Variants in PACSIN2 observed in about 807,000 individuals in gnomAD.
PACSIN2 encodes protein kinase C and casein kinase substrate in neurons protein 2.
PACSIN2 carries 25 observed loss-of-function variants against 63.8 expected under a neutral mutation model. That is an observed-to-expected ratio of 0.39 (90% confidence interval 0.29 to 0.55). PACSIN2 has a LOEUF of 0.55. Among genes scored for constraint, PACSIN2 ranks in the 20% least tolerant of loss-of-function variants. The pLI is 0.62. For missense variants in PACSIN2, 518 were observed against 646.9 expected, an observed-to-expected ratio of 0.80 and a Z score of 2.16; for synonymous variants, 255 against 256.2, an observed-to-expected ratio of 1.00 and a Z score of 0.05.
intron 2 of PACSIN2, among the ~76,000 whole-genome samples, chr22:42,909,269 C>G (rs1931290779): frequency 6.6e-6 from 1 of 152,180 alleles, no homozygotes. Context: ...TCCTGGAGGA[C>G]AGGGCCACAC....
At chr22:42,927,228 T>C (rs1932592656) in intron 1 of PACSIN2, among the ~76,000 whole-genome samples, 1 of 151,688 alleles carries the variant, frequency 6.6e-6, no homozygotes, top group African/African-American at 2.4e-5. Context: ...TTTCTCCCTG[T>C]TGTCTGGGTA....
chr22:42,938,882 T>C (rs530359024), intron 1 of PACSIN2, among the ~76,000 whole-genome samples: 19 of 152,324 alleles, frequency 1.2e-4, no homozygotes, highest in Non-Finnish European at 2.5e-4. Context: ...CTGTGACAAA[T>C]TTGTATTTTT....
chr22:42,991,876 T>C (rs974191918), intron 1 of PACSIN2, among the ~76,000 whole-genome samples: 7 of 149,230 alleles, frequency 4.7e-5, no homozygotes, highest in African/African-American at 1.5e-4. Context: ...TCAAAATGGA[T>C]CACAGGCCTA....
At chr22:43,009,297 C>G (rs973832880) in intron 1 of PACSIN2, among the ~76,000 whole-genome samples, 1 of 152,220 alleles carries the variant, frequency 6.6e-6, no homozygotes, top group South Asian at 2.1e-4. Context: ...CCACCTGTAC[C>G]ACTCAGAAAT....
intron 2 of PACSIN2, among the ~76,000 whole-genome samples, chr22:42,896,325 G>GA (rs1227724199): frequency 6.6e-6 from 1 of 152,072 alleles, no homozygotes; most frequent in Non-Finnish European, 1.5e-5. Context: ...GATCCATGTT[G>GA]CTATCTACGT....
chr22:42,945,991 C>G (rs1235685724), intron 1 of PACSIN2: 1 of 152,732 alleles, frequency 6.5e-6, no homozygotes, highest in Non-Finnish European at 1.5e-5. Flanking sequence ...CCTGGCCACA[C>G]TATACACGCT....
intron 1 of PACSIN2, among the ~76,000 whole-genome samples, chr22:42,941,392 CTTTT>C (rs1933152336): frequency 6.6e-6 from 1 of 152,274 alleles, no homozygotes; most frequent in Non-Finnish European, 1.5e-5. Context: ...GTTTTCATTT[CTTTT>C]GAGTAGATAC....
At position 42,914,240 on chromosome 22, in the gene PACSIN2, A is replaced by AT. The variant is rs113816756; in HGVS notation, c.-77-2084dup. Among the ~76,000 whole-genome samples, 272 of 148,700 alleles carry AT rather than the reference A, an allele frequency of 1.8e-3. 2 individuals carry two copies. Among genetic ancestry groups the AT allele is most frequent in the African/African-American group, 3.8e-3 (155 of 40,676 alleles). On this transcript the variant is annotated intron_variant, in intron 1 of 10. Transcript: ENST00000263246. The stretch of plus-strand genomic sequence containing the variant: ...GGCCCTGATGCCACCTCTCACAGTA[A>AT]TTTTTTTTTTTAGGTGGAATCTGGC...
At chr22:42,983,477 G>A (rs1250398713) in intron 1 of PACSIN2, among the ~76,000 whole-genome samples, 1 of 96,170 alleles carries the variant, frequency 1.0e-5, no homozygotes, top group Non-Finnish European at 1.8e-5. Context: ...ACAACAGAGT[G>A]AGACTCCATC....
chr22:42,895,663 A>G (rs1192092914), intron 2 of PACSIN2, among the ~76,000 whole-genome samples: 1 of 152,256 alleles, frequency 6.6e-6, no homozygotes, highest in African/African-American at 2.4e-5. Context: ...GAATACAGGA[A>G]GAGTGTTTCC....
chr22:43,010,222 G>T (rs1924374792), intron 1 of PACSIN2, among the ~76,000 whole-genome samples: 1 of 151,324 alleles, frequency 6.6e-6, no homozygotes, highest in Admixed American at 6.6e-5. Context: ...CTAAAATCAA[G>T]AAACACGCAA....
At chr22:42,881,866 T>C (rs558434019) in intron 7 of PACSIN2, among the ~76,000 whole-genome samples, 1 of 151,270 alleles carries the variant, frequency 6.6e-6, no homozygotes, top group East Asian at 2.0e-4. Context: ...GGACCTGAGG[T>C]CCTGTGTGCC....
At chr22:42,960,527 G>A (rs972212004) in intron 1 of PACSIN2, among the ~76,000 whole-genome samples, 3 of 152,136 alleles carry the variant, frequency 2.0e-5, no homozygotes, top group African/African-American at 4.8e-5. Context: ...AAAACACCTC[G>A]CTTCTTCAAT....
chr22:42,891,251 C>T (rs769066783), intron 3 of PACSIN2, 69 bp from the exon 4 acceptor site: 13 of 1,020,108 alleles, frequency 1.3e-5, no homozygotes, highest in Middle Eastern at 3.0e-4. Context: ...GCTCACACCT[C>T]GGCTGTTCAA....
chr22:42,888,514 G>C, intron 5 of PACSIN2, 129 bp downstream of exon 5: 2 of 864,952 alleles, frequency 2.3e-6, no homozygotes, highest in African/African-American at 1.7e-5. Flanking sequence ...TGAGGACAGG[G>C]GTGTGTTTTA....
chr22:42,872,397 T>G (rs533776034), intron 10 of PACSIN2, among the ~76,000 whole-genome samples: 3 of 152,242 alleles, frequency 2.0e-5, no homozygotes, highest in Non-Finnish European at 1.5e-5. Context: ...GAGCAAGCAA[T>G]TGGTGGGAAA....
chr22:42,958,849 C>T (rs5996251), intron 1 of PACSIN2, among the ~76,000 whole-genome samples: 24 of 152,296 alleles, frequency 1.6e-4, no homozygotes, highest in African/African-American at 5.5e-4. Flanking sequence ...AAGTATAATT[C>T]ACTGAGTGAT....
At chr22:42,880,205 G>A (rs1928969055) in intron 7 of PACSIN2, among the ~76,000 whole-genome samples, 1 of 152,194 alleles carries the variant, frequency 6.6e-6, no homozygotes, top group African/African-American at 2.4e-5. Context: ...GAAGCATCCT[G>A]TCTAACCTGT....
chr22:42,979,351 C>T (rs1056485605), intron 1 of PACSIN2, among the ~76,000 whole-genome samples: 2 of 151,574 alleles, frequency 1.3e-5, no homozygotes, highest in African/African-American at 4.8e-5. Flanking sequence ...TGGTGAAACC[C>T]CATCTCTACT....
Sources: allele counts gnomAD v4.1 joint callset (sites outside exome capture counted in the v4.1 genomes callset), GRCh38; gene constraint gnomAD v4.1.1; transcripts MANE v1.5; gene names NCBI Gene and HGNC (gene_info 2026-07-23, HGNC 2026-07-21).